Variants in RFXANK observed in about 807,000 individuals in gnomAD.
RFXANK encodes the protein regulatory factor X associated ankyrin containing protein.
In RFXANK, 19 loss-of-function variants were observed where a neutral mutation model predicts 34.5. The observed-to-expected ratio is 0.55, with a 90% CI of 0.38 to 0.81. The LOEUF is 0.81. Among genes scored for constraint, RFXANK ranks in the 30% least tolerant of loss-of-function variants. RFXANK has a pLI of 0.00. For missense variants in RFXANK, 295 were observed against 343.5 expected (o/e 0.86, Z 1.12); for synonymous variants, 154 against 149.8 (o/e 1.03, Z -0.20).
chr19:19,199,268 C>A, intron 9 of RFXANK, 34 bp downstream of exon 9: 1 of 1,603,296 alleles, frequency 6.2e-7, no homozygotes, highest in Non-Finnish European at 8.5e-7. Context: ...GGGGTGGGGT[C>A]CCTTCCATAG....
chr19:19,197,944 G>A (rs1017717084), intron 6 of RFXANK, among the ~76,000 whole-genome samples, 163 bp from the exon 7 acceptor site: 2 of 151,830 alleles, frequency 1.3e-5, no homozygotes, highest in Non-Finnish European at 2.9e-5. Context: ...CCTGGGAGGC[G>A]GAGGTAGCAG....
intron 8 of RFXANK, chr19:19,198,934 A>G: frequency 1.3e-6 from 1 of 745,322 alleles, no homozygotes. Context: ...CCAAGAGGCT[A>G]AGCACCTCCA....
Position 19,197,264 on chromosome 19 carries a change from A to C in RFXANK, c.337+13A>C. On this transcript the variant is annotated intron_variant, in intron 5 of 9. Transcript: ENST00000303088. ...CATTTGCGGAAAGGTGCGTGTCCAC[A>C]CACATGTGCTGGCATGTCTGCACCT... The C allele has an allele frequency of 6.2e-7, 1 of 1,612,172 alleles. No homozygotes were observed. Among genetic ancestry groups the C allele is most frequent in the Non-Finnish European group, 8.5e-7 (1 of 1,179,870 alleles).
chr19:19,198,244 C>T lies in RFXANK; in HGVS notation c.564+12C>T, dbSNP rs752509616. 6.2e-7 allele frequency: 1 copy of T among 1,614,048 alleles called. No individual in the cohort carries two copies. Among genetic ancestry groups the T allele is most frequent in the Non-Finnish European group, 8.5e-7 (1 of 1,179,980 alleles). ...ACATCTATGATTGGGTGAGGGACTG[C>T]CCATCCCCAGGACCTCTCAGCCTCC... On this transcript the variant is annotated intron_variant, in intron 7 of 9. Transcript: ENST00000303088.
chr19:19,193,906 T>A, intron 2 of RFXANK, 33 bp from the exon 3 acceptor site: 1 of 1,608,488 alleles, frequency 6.2e-7, no homozygotes, highest in Non-Finnish European at 8.5e-7. Flanking sequence ...TTGATAATTA[T>A]TGTCATCTCT....
Position 19,199,351 on chromosome 19 carries a change from A to T in RFXANK, c.712+117A>T. 3 of 1,016,098 alleles carry T rather than the reference A, an allele frequency of 3.0e-6. No homozygotes were observed. In the Admixed American group the frequency reaches 5.1e-5, roughly 17 times the overall value. 62.9% of individuals were successfully genotyped at this position (1,016,098 alleles called of 1,614,324 possible). A position where few individuals can be genotyped will look rare whatever the true frequency, so the allele number is the denominator to read the frequency against. On this transcript the variant is annotated intron_variant, in intron 9 of 9. Coordinates refer to ENST00000303088, the MANE Select transcript of RFXANK (RefSeq NM_003721.4). ...ACGCCGGCAGCGAGAGTGTGTTGACAGGTGTTGAGCACTGCTGTGTATCCC... is the reference window on the plus strand; with the variant it reads ...ACGCCGGCAGCGAGAGTGTGTTGACTGGTGTTGAGCACTGCTGTGTATCCC...
rs554811149 is a variant in RFXANK, at chr19:19,198,698, C to G, written c.606C>G (p.His202Gln). 3.1e-6 allele frequency: 5 copies of G among 1,613,878 alleles called. No individual in the cohort carries two copies. In the African/African-American group the frequency reaches 5.3e-5, roughly 17 times the overall value. Residue 202 changes from histidine to glutamine, a missense_variant, in exon 8 of 10, where the codon CAC (histidine) becomes CAG (glutamine). Physicochemically the swap from His to Gln is conservative, Grantham distance 24. Coordinates refer to ENST00000303088, the MANE Select transcript of RFXANK (RefSeq NM_003721.4). ...TGCTGTACGCTGTGCGCGGGAACCA[C>G]GTGAAATGCGTTGAGGCCTTGCTGG... The part of the protein sequence containing the change: ...TPLLYAVRGN[H>Q]VKCVEALLAR...
At chr19:19,198,004 T>C in intron 6 of RFXANK, 103 bp from the exon 7 acceptor site, 3 of 1,482,250 alleles carry the variant, frequency 2.0e-6, no homozygotes, top group South Asian at 1.1e-5. Flanking sequence ...AGAGCAAGAC[T>C]CTATCTCCAA....
Position 19,194,341 on chromosome 19 carries a change from T to C in RFXANK, c.187+208T>C, listed in dbSNP as rs145334212. On this transcript the variant is annotated intron_variant, in intron 3 of 9. Transcript: ENST00000303088. ...TCTGCCTCCTGGGTTCAACTGATTCTCCTGTCTCAGCCTCCTGAGTAGCTG... is the reference window on the plus strand; with the variant it reads ...TCTGCCTCCTGGGTTCAACTGATTCCCCTGTCTCAGCCTCCTGAGTAGCTG... 9.4e-3 allele frequency among the ~76,000 whole-genome samples: 1,435 copies of C among 152,316 alleles called. 25 individuals are homozygous for C. Among genetic ancestry groups the C allele is most frequent in the African/African-American group, 0.032 (1,340 of 41,566 alleles).
chr19:19,193,798 T>G, intron 2 of RFXANK, 141 bp from the exon 3 acceptor site: 1 of 955,932 alleles, frequency 1.0e-6, no homozygotes. Context: ...GACTCTGGTT[T>G]TCATTTCCCT....
At chr19:19,193,368 G>A (rs1212671520) in intron 2 of RFXANK, among the ~76,000 whole-genome samples, 1 of 150,392 alleles carries the variant, frequency 6.6e-6, no homozygotes, top group Non-Finnish European at 1.5e-5. Context: ...TGAGGGATTC[G>A]AACCCAGACA....
chr19:19,201,791 A>T lies in RFXANK; in HGVS notation c.*72A>T. ...CCAGAGCTGGGGAAACCCAGAACTG[A>T]CTTCAAAGGCAGCTTCTGGACAGGT... On this transcript the variant is annotated 3_prime_UTR_variant, in exon 10 of 10. Coordinates refer to ENST00000303088, the MANE Select transcript of RFXANK (RefSeq NM_003721.4). The T allele has an allele frequency of 2.5e-6, 4 of 1,613,304 alleles. No homozygotes were observed. Among genetic ancestry groups the T allele is most frequent in the Non-Finnish European group, 3.4e-6 (4 of 1,179,760 alleles).
intron 3 of RFXANK, among the ~76,000 whole-genome samples, chr19:19,194,470 A>G (rs972635491): frequency 6.6e-6 from 1 of 151,994 alleles, no homozygotes; most frequent in Non-Finnish European, 1.5e-5. Context: ...TCCTGACCTC[A>G]GGTGATCCGC....
At position 19,201,853 on chromosome 19, in the gene RFXANK, C is replaced by A. The variant is rs541991580; in HGVS notation, c.*134C>A. On this transcript the variant is annotated 3_prime_UTR_variant, in exon 10 of 10. Transcript: ENST00000303088. ...ACCCTTCCCAAGAGGAACCAATAAA[C>A]CTTCTGTGCAGAATGAGGGACTTTG... 6.2e-7 allele frequency: 1 copy of A among 1,612,100 alleles called. No individual in the cohort carries two copies. Among genetic ancestry groups the A allele is most frequent in the African/African-American group, 1.3e-5 (1 of 74,950 alleles).
At chr19:19,198,380 C>T in intron 7 of RFXANK, 148 bp downstream of exon 7, 1 of 1,305,628 alleles carries the variant, frequency 7.7e-7, no homozygotes, top group Non-Finnish European at 1.1e-6. Flanking sequence ...AGCAGAGCTC[C>T]CCATGCAGGG....
chr19:19,199,952 T>G (rs1311241935), intron 9 of RFXANK, among the ~76,000 whole-genome samples: 1 of 152,172 alleles, frequency 6.6e-6, no homozygotes, highest in Admixed American at 6.5e-5. Flanking sequence ...TTACTGTGTT[T>G]GGGACAGAAA....
At chr19:19,195,139 A>G (rs1380030925) in intron 3 of RFXANK, among the ~76,000 whole-genome samples, 3 of 148,244 alleles carry the variant, frequency 2.0e-5, no homozygotes, top group Non-Finnish European at 4.5e-5. Context: ...GCTCACTGCA[A>G]GCTCCACCTC....
chr19:19,199,137 TC>T lies in RFXANK; in HGVS notation c.632-13del, dbSNP rs894217437. The T allele has an allele frequency of 6.2e-7, 1 of 1,612,246 alleles. No homozygotes were observed. Among genetic ancestry groups the T allele is most frequent in the African/African-American group, 1.3e-5 (1 of 74,748 alleles). On this transcript the variant is annotated splice_polypyrimidine_tract_variant and intron_variant, in intron 8 of 9. Coordinates refer to ENST00000303088, the MANE Select transcript of RFXANK (RefSeq NM_003721.4). ...TCCCAGGCCCCACCCTCCAGCGCCC[TC>T]CCCTCTCCTTTGCAGCCCGAGGCGC...
intron 9 of RFXANK, 93 bp downstream of exon 9, chr19:19,199,327 C>G (rs1264153627): frequency 2.5e-6 from 3 of 1,203,160 alleles, no homozygotes; most frequent in Admixed American, 1.7e-5. Flanking sequence ...AGTGGTCATA[C>G]GCCGGCAGCG....
Sources: allele counts gnomAD v4.1 joint callset (sites outside exome capture counted in the v4.1 genomes callset), GRCh38; gene constraint gnomAD v4.1.1; transcripts MANE v1.5; gene names NCBI Gene and HGNC (gene_info 2026-07-23, HGNC 2026-07-21).